Variants in ZDHHC21 observed in about 807,000 individuals in gnomAD.
ZDHHC21 encodes zDHHC palmitoyltransferase 21.
ZDHHC21 carries 15 observed loss-of-function variants against 34.6 expected under a neutral mutation model. That is an observed-to-expected ratio of 0.43 (90% confidence interval 0.29 to 0.67). ZDHHC21 has a LOEUF of 0.67. Ranked by LOEUF, ZDHHC21 falls within the 30% of genes least tolerant of loss-of-function variation. The pLI is 0.14. For synonymous variants in ZDHHC21, 142 were observed against 101.8 expected (o/e 1.40, Z -2.38); for missense variants, 344 against 327.7 (o/e 1.05, Z -0.38).
intron 2 of ZDHHC21, among the ~76,000 whole-genome samples, chr9:14,685,231 C>A (rs1049813368): frequency 1.3e-5 from 2 of 151,686 alleles, no homozygotes; most frequent in African/African-American, 2.4e-5. Context: ...AGAGCTTCTG[C>A]ACAGCAAAAG....
chr9:14,602,663 C>T, the ZDHHC21 span, among the ~76,000 whole-genome samples: 1 of 151,836 alleles, frequency 6.6e-6, no homozygotes, highest in Non-Finnish European at 1.5e-5. Flanking sequence ...ATTTATAGGT[C>T]AGAAAAAATG....
At chr9:14,672,727 G>A (rs924108737) in intron 5 of ZDHHC21, 103 bp downstream of exon 5, 4 of 737,726 alleles carry the variant, frequency 5.4e-6, no homozygotes, top group Non-Finnish European at 8.6e-6. Flanking sequence ...TCAAAGTGGT[G>A]TTAGATGACA....
rs1442330982 is a variant in ZDHHC21 at position 14,617,084 on chromosome 9, T to C, written c.*1882A>G. ...ATGTATACAATATAAGGCATTCAACTGATATCTACCTACCTTATCTATATA... is the reference window on the plus strand; with the variant it reads ...ATGTATACAATATAAGGCATTCAACCGATATCTACCTACCTTATCTATATA... On this transcript the variant is annotated 3_prime_UTR_variant, in exon 10 of 10. Coordinates refer to ENST00000380916, the MANE Select transcript of ZDHHC21 (RefSeq NM_178566.6). 1 of 151,966 alleles carries C rather than the reference T, an allele frequency of 6.6e-6. No individual in the cohort carries two copies. Among genetic ancestry groups the C allele is most frequent in the South Asian group, 2.1e-4 (1 of 4,834 alleles). 9.4% of individuals were successfully genotyped at this position (151,966 alleles called of 1,614,324 possible).
intron 3 of ZDHHC21, among the ~76,000 whole-genome samples, chr9:14,675,597 A>T (rs1234192968): frequency 9.9e-5 from 15 of 152,004 alleles, no homozygotes; most frequent in Admixed American, 9.9e-4. Flanking sequence ...TTAGTTCAAC[A>T]AATATTCACT....
At chr9:14,682,291 G>A (rs1374810763) in intron 2 of ZDHHC21, among the ~76,000 whole-genome samples, 6 of 152,078 alleles carry the variant, frequency 3.9e-5, no homozygotes, top group African/African-American at 1.4e-4. Flanking sequence ...GTATTCAGGA[G>A]ACCCATCTCA....
rs1823456064 is a variant in ZDHHC21, at chr9:14,612,410, T to A, written c.*6556A>T. ...TAAGGACACTGAGTGTTTTGAGAAT[T>A]TTAAAGGGAAAAATCTGGAACCCAA... is the stretch of plus-strand genomic sequence containing the variant. On this transcript the variant is annotated 3_prime_UTR_variant, in exon 10 of 10. Coordinates refer to ENST00000380916, the MANE Select transcript of ZDHHC21 (RefSeq NM_178566.6). 6.6e-6 allele frequency: 1 copy of A among 151,982 alleles called. No individual in the cohort carries two copies. Among genetic ancestry groups the A allele is most frequent in the South Asian group, 2.1e-4 (1 of 4,834 alleles). 9.4% of individuals were successfully genotyped at this position (151,982 alleles called of 1,614,324 possible). A position where few individuals can be genotyped will look rare whatever the true frequency, so the allele number is the denominator to read the frequency against.
rs1195179876 is a variant in ZDHHC21, at chr9:14,616,217, A to C, written c.*2749T>G. On this transcript the variant is annotated 3_prime_UTR_variant, in exon 10 of 10. Coordinates refer to ENST00000380916, the MANE Select transcript of ZDHHC21 (RefSeq NM_178566.6). Reference sequence around the variant, plus strand: ...CAATACATTTCTATGTTTTGTAATAAATTGGTAATTTCAAAGTAACAGCTT... The same window carrying C: ...CAATACATTTCTATGTTTTGTAATACATTGGTAATTTCAAAGTAACAGCTT... 6.6e-6 allele frequency: 1 copy of C among 151,766 alleles called. No homozygotes were observed. Among genetic ancestry groups the C allele is most frequent in the Non-Finnish European group, 1.5e-5 (1 of 67,756 alleles). The allele number at this position is 151,766 out of a possible 1,614,324, so 9.4% of individuals were successfully genotyped here. A position where few individuals can be genotyped will look rare whatever the true frequency, so the allele number is the denominator to read the frequency against.
chr9:14,595,708 CA>C, the ZDHHC21 span, among the ~76,000 whole-genome samples: 11 of 152,066 alleles, frequency 7.2e-5, no homozygotes, highest in African/African-American at 2.7e-4. Flanking sequence ...AGTAAGAAGA[CA>C]ACCCAATTAA....
At chr9:14,692,499 A>G (rs1839302634) in intron 1 of ZDHHC21, among the ~76,000 whole-genome samples, 1 of 152,120 alleles carries the variant, frequency 6.6e-6, no homozygotes, top group Admixed American at 6.5e-5. Context: ...TTTTAAAGTA[A>G]TAATTGGTCA....
At position 14,636,438 on chromosome 9, in the gene ZDHHC21, T is replaced by C. The variant is rs576554095; in HGVS notation, c.621+3458A>G. 2.4e-4 allele frequency among the ~76,000 whole-genome samples: 37 copies of C among 152,286 alleles called. No homozygotes were observed. In the South Asian group the frequency reaches 3.1e-3, roughly 13 times the overall value. ...CAAGTATTAGATTTAAAGGGAAAGA[T>C]AGACTCTAATACAGTAATAGTTGAG... On this transcript the variant is annotated intron_variant, in intron 8 of 9. Coordinates refer to ENST00000380916, the MANE Select transcript of ZDHHC21 (RefSeq NM_178566.6).
At chr9:14,658,663 G>C in intron 7 of ZDHHC21, 86 bp downstream of exon 7, 1 of 1,094,474 alleles carries the variant, frequency 9.1e-7, no homozygotes, top group Non-Finnish European at 1.3e-6. Context: ...AGTAGAGACG[G>C]GGTTTCACCG....
In ZDHHC21 at chr9:14,613,765, CA is replaced by C. The variant is rs1823722877; in HGVS notation, c.*5200del. On this transcript the variant is annotated 3_prime_UTR_variant, in exon 10 of 10. Transcript: ENST00000380916. ...ATATTGTTTATTTTTCCTCTGGTGA[CA>C]AAATTTTCTATACACTCAGTATCTT... is the stretch of plus-strand genomic sequence containing the variant. 1.3e-5 allele frequency: 2 copies of C among 151,762 alleles called. No homozygotes were observed. Among genetic ancestry groups the C allele is most frequent in the Middle Eastern group, 3.4e-3 (1 of 294 alleles). 9.4% of individuals were successfully genotyped at this position (151,762 alleles called of 1,614,324 possible).
At chr9:14,674,063 T>C (rs1835918678) in intron 4 of ZDHHC21, 124 bp downstream of exon 4, 2 of 521,438 alleles carry the variant, frequency 3.8e-6, no homozygotes, top group Non-Finnish European at 6.3e-6. Flanking sequence ...AATAACTGAA[T>C]ATTGACAGCA....
Position 14,630,013 on chromosome 9 carries a change from G to A in ZDHHC21, c.621+9883C>T, listed in dbSNP as rs545537224. Among the ~76,000 whole-genome samples the A allele has an allele frequency of 1.3e-3, 201 of 152,146 alleles. 1 individual carries two copies. Among genetic ancestry groups the A allele is most frequent in the African/African-American group, 4.7e-3 (196 of 41,498 alleles). On this transcript the variant is annotated intron_variant, in intron 8 of 9. Transcript: ENST00000380916. ...GTGAGCCGAGATCACGCCACTGCAC[G>A]CCAGCCTGGCGACAGAGAGAGACTC...
chr9:14,590,517 CAT>C, the ZDHHC21 span, among the ~76,000 whole-genome samples: 2 of 151,620 alleles, frequency 1.3e-5, no homozygotes, highest in Non-Finnish European at 2.9e-5. Context: ...AGAAAAATGA[CAT>C]ATTGAATAAA....
intron 2 of ZDHHC21, among the ~76,000 whole-genome samples, chr9:14,688,046 A>G (rs942294979): frequency 1.3e-5 from 2 of 150,996 alleles, no homozygotes; most frequent in Admixed American, 6.6e-5. Flanking sequence ...ATAAAAATCA[A>G]GCTCTCATTG....
At chr9:14,626,908 C>T (rs1241268530) in intron 8 of ZDHHC21, among the ~76,000 whole-genome samples, 1 of 151,872 alleles carries the variant, frequency 6.6e-6, no homozygotes, top group African/African-American at 2.4e-5. Flanking sequence ...ATTAGAAATA[C>T]ATTTATTTTA....
At chr9:14,660,394 A>AAAG (rs71323905) in intron 6 of ZDHHC21, among the ~76,000 whole-genome samples, 4 of 148,740 alleles carry the variant, frequency 2.7e-5, no homozygotes, top group Admixed American at 2.0e-4. Flanking sequence ...AAAAAAAAAA[A>AAAG]GAATGATCAG....
chr9:14,624,001 A>C (rs1825773752), intron 8 of ZDHHC21, among the ~76,000 whole-genome samples: 1 of 152,112 alleles, frequency 6.6e-6, no homozygotes, highest in African/African-American at 2.4e-5. Context: ...TGATCCAGCA[A>C]TCACAGCACT....
Sources: gnomAD v4.1 joint callset for allele counts (sites outside exome capture counted in the v4.1 genomes callset) on GRCh38, gnomAD v4.1.1 for gene constraint, MANE v1.5 for transcripts, NCBI Gene and HGNC (gene_info 2026-07-23, HGNC 2026-07-21) for gene names.